MYO1E: variants seen among roughly 807,000 people sequenced by gnomAD.
The protein encoded by MYO1E is myosin IE.
Under a neutral mutation model 151.1 loss-of-function variants are expected in MYO1E, and 68 were observed. The ratio of observed to expected loss-of-function variants is 0.45; its 90% CI spans 0.37 to 0.55. The LOEUF is 0.55. Among genes scored for constraint, MYO1E ranks in the 20% least tolerant of loss-of-function variants. The probability of loss-of-function intolerance (pLI) is 0.00; values close to 1 mark genes in which losing one functional copy is unlikely to be tolerated. For synonymous variants in MYO1E, 601 were observed against 501.7 expected, an observed-to-expected ratio of 1.20 and a Z score of -2.64; for missense variants, 1,363 against 1,389.3, an observed-to-expected ratio of 0.98 and a Z score of 0.30.
At chr15:59,292,910 T>C (rs2080428212) in intron 1 of MYO1E, among the ~76,000 whole-genome samples, 1 of 152,124 alleles carries the variant, frequency 6.6e-6, no homozygotes, top group Non-Finnish European at 1.5e-5. Flanking sequence ...GGGGGATCTA[T>C]CCCATAGGAT....
At chr15:59,207,496 T>G (rs1298775258) in intron 14 of MYO1E, 2 of 1,614,042 alleles carry the variant, frequency 1.2e-6, no homozygotes, top group Non-Finnish European at 1.7e-6. Context: ...GATTATTGTT[T>G]CCAATCCAGT....
intron 9 of MYO1E, among the ~76,000 whole-genome samples, chr15:59,221,512 T>C (rs960047787): frequency 6.6e-6 from 1 of 152,144 alleles, no homozygotes; most frequent in Non-Finnish European, 1.5e-5. Context: ...GGGAGAACTT[T>C]CACTGCATAC....
chr15:59,227,562 G>A lies in MYO1E; in HGVS notation c.539C>T (p.Pro180Leu). 4 of 1,614,130 alleles carry A rather than the reference G, an allele frequency of 2.5e-6. No homozygotes were observed. The highest frequency in any genetic ancestry group is 3.4e-6 in the Non-Finnish European group (4 of 1,180,004). Residue 180 changes from proline to leucine, a missense_variant, in exon 7 of 28, where the codon CCA becomes CTA. Physicochemically the swap from Pro to Leu is moderately conservative, Grantham distance 98. Transcript: ENST00000288235. ...CTTTCCACCATCTGGTTCCCCACCTGGACTGAACTGGATTTCAAAGTATTT... is the reference window on the plus strand; with the variant it reads ...CTTTCCACCATCTGGTTCCCCACCTAGACTGAACTGGATTTCAAAGTATTT... ...FGKYFEIQFS[P>L]GGEPDGGKIS...
rs746273918 is a variant in MYO1E, at chr15:59,202,346, T to C, written c.1678A>G (p.Thr560Ala). 4 of 1,613,966 alleles carry C rather than the reference T, an allele frequency of 2.5e-6. No individual in the cohort carries two copies. Among genetic ancestry groups the C allele is most frequent in the East Asian group, 4.5e-5 (2 of 44,888 alleles). Residue 560 changes from threonine (T) to alanine (A), a missense_variant, in exon 16 of 28, where the codon ACT becomes GCT. By Grantham distance (58) the Thr-to-Ala change is moderately conservative. Coordinates refer to ENST00000288235, the MANE Select transcript of MYO1E (RefSeq NM_004998.4). The stretch of plus-strand genomic sequence containing the variant: ...CTAACCTTTATTTTGCTTCCGGCAG[T>C]AGTTGGGCGCCCTTTCTTGTCAGCC... ...LQADKKGRPTTAGSKIKKQAN... is the reference protein window; with the variant it reads ...LQADKKGRPTAAGSKIKKQAN...
intron 1 of MYO1E, among the ~76,000 whole-genome samples, chr15:59,368,097 C>T (rs2080924678): frequency 1.3e-5 from 2 of 151,838 alleles, no homozygotes; most frequent in Admixed American, 1.3e-4. Context: ...CCAGCCTGGG[C>T]GACAAGAGCA....
At chr15:59,251,818 C>A (rs961629184) in intron 4 of MYO1E, among the ~76,000 whole-genome samples, 2 of 152,158 alleles carry the variant, frequency 1.3e-5, no homozygotes, top group South Asian at 4.2e-4. Context: ...TAAATGAACC[C>A]AACTGTAGGT....
At position 59,227,573 on chromosome 15, in the gene MYO1E, G is replaced by A; in HGVS notation, c.528C>T (p.Ile176=). The stretch of plus-strand genomic sequence containing the variant: ...CTGGTTCCCCACCTGGACTGAACTG[G>A]ATTTCAAAGTATTTTCCCTGCAAGA... ...NSSRFGKYFE[I]QFSPGGEPDG... is the part of the protein sequence containing the mutation. The change falls in exon 7 of 28, where the codon ATC becomes ATT. Residue 176 remains isoleucine (I), a synonymous_variant. Coordinates refer to ENST00000288235, the MANE Select transcript of MYO1E (RefSeq NM_004998.4). The A allele has an allele frequency of 6.2e-7, 1 of 1,614,128 alleles. No individual in the cohort carries two copies. Among genetic ancestry groups the A allele is most frequent in the Non-Finnish European group, 8.5e-7 (1 of 1,180,022 alleles).
intron 24 of MYO1E, 126 bp downstream of exon 24, chr15:59,160,947 G>T: frequency 7.7e-7 from 1 of 1,299,350 alleles, no homozygotes; most frequent in Non-Finnish European, 1.1e-6. Flanking sequence ...AAGAAAGCGT[G>T]AGCCCCAGCA....
rs544932829 is a variant in MYO1E, at chr15:59,315,073, GGGGCCACC to G, written c.4-42632_4-42625del. Among the ~76,000 whole-genome samples the G allele has an allele frequency of 6.6e-5, 10 of 152,272 alleles. No homozygotes were observed. In the East Asian group the frequency reaches 1.9e-3, roughly 29 times the overall value. On this transcript the variant is annotated intron_variant, in intron 1 of 27. Coordinates refer to ENST00000288235, the MANE Select transcript of MYO1E (RefSeq NM_004998.4). ...ACATCTCCAGGCCTCATGGAGCCTGGGGGCCACCAGCTTACAGCTTCTGATGGGGAGAG... is the reference window on the plus strand; with the variant it reads ...ACATCTCCAGGCCTCATGGAGCCTGGAGCTTACAGCTTCTGATGGGGAGAG...
chr15:59,140,068 G>T (rs1299448281), intron 26 of MYO1E, among the ~76,000 whole-genome samples: 2 of 64,404 alleles, frequency 3.1e-5, no homozygotes, highest in Non-Finnish European at 5.7e-5. Context: ...ATTCTCTGTT[G>T]TGTGTGTGTG....
At chr15:59,207,106 G>T (rs143718171) in intron 14 of MYO1E, 3 of 1,614,126 alleles carry the variant, frequency 1.9e-6, no homozygotes, top group Non-Finnish European at 2.5e-6. Flanking sequence ...TGTGAAGAGT[G>T]AGCTTATTGA....
chr15:59,267,270 C>T (rs11636281), intron 2 of MYO1E, among the ~76,000 whole-genome samples: 72,949 of 151,858 alleles, frequency 0.48, 21,038 homozygotes, highest in Non-Finnish European at 0.65. Flanking sequence ...CATGATCCAC[C>T]TGCCTCAGCC....
chr15:59,257,891 T>C (rs1479297714), intron 3 of MYO1E, among the ~76,000 whole-genome samples: 4 of 152,116 alleles, frequency 2.6e-5, no homozygotes, highest in African/African-American at 7.2e-5. Flanking sequence ...CACAATAAGA[T>C]TGTGCAGGAT....
chr15:59,272,203 T>C, intron 2 of MYO1E, 103 bp downstream of exon 2: 2 of 1,361,738 alleles, frequency 1.5e-6, no homozygotes, highest in Non-Finnish European at 2.1e-6. Context: ...TCCAAAGTGC[T>C]GGGATTACAC....
intron 4 of MYO1E, among the ~76,000 whole-genome samples, chr15:59,248,650 G>C (rs2080145621): frequency 1.3e-5 from 2 of 152,064 alleles, no homozygotes; most frequent in African/African-American, 4.8e-5. Flanking sequence ...CTTGGCAGGA[G>C]AGAGTGTAGG....
chr15:59,283,876 A>G (rs1301294040), intron 1 of MYO1E, among the ~76,000 whole-genome samples: 2 of 152,214 alleles, frequency 1.3e-5, no homozygotes. Flanking sequence ...TAACTGCTTT[A>G]TTGCATGTTT....
chr15:59,216,805 G>A (rs2140344929), intron 10 of MYO1E, among the ~76,000 whole-genome samples: 1 of 150,668 alleles, frequency 6.6e-6, no homozygotes, highest in South Asian at 2.1e-4. Context: ...CTAAAAGGTG[G>A]AGCCTCATTC....
chr15:59,354,829 T>G (rs1321905437), intron 1 of MYO1E, among the ~76,000 whole-genome samples: 3 of 151,990 alleles, frequency 2.0e-5, no homozygotes. Flanking sequence ...GAGAAACAGG[T>G]AGAAACCTTC....
At position 59,173,849 on chromosome 15, in the gene MYO1E, T is replaced by A. The variant is rs778793688; in HGVS notation, c.2231A>T (p.Asp744Val). The A allele has an allele frequency of 1.9e-6, 3 of 1,614,028 alleles. No homozygotes were observed. Among genetic ancestry groups the A allele is most frequent in the Non-Finnish European group, 2.5e-6 (3 of 1,179,966 alleles). Residue 744 changes from aspartate (D) to valine (V), a missense_variant, in exon 21 of 28, where the codon GAT (aspartate) becomes GTT (valine). Asp to Val is a radical substitution (Grantham distance 152). Coordinates refer to ENST00000288235, the MANE Select transcript of MYO1E (RefSeq NM_004998.4). ...TGGGTGCTCTTCCATCCCAATATAA[T>A]CCCCTATAAAGTTCCTGTTAATACT... is the stretch of plus-strand genomic sequence containing the variant. ...RNSINRNFIG[D>V]YIGMEEHPEL...
Sources: gnomAD v4.1 joint callset for allele counts (sites outside exome capture counted in the v4.1 genomes callset) on GRCh38, gnomAD v4.1.1 for gene constraint, MANE v1.5 for transcripts, NCBI Gene and HGNC (gene_info 2026-07-23, HGNC 2026-07-21) for gene names.